Variants in TNK1 observed in about 807,000 individuals in gnomAD.
TNK1 encodes the protein non-receptor tyrosine-protein kinase TNK1.
TNK1 carries 53 observed loss-of-function variants against 65.2 expected under a neutral mutation model. The ratio of observed to expected loss-of-function variants is 0.81; its 90% CI spans 0.65 to 1.02. The LOEUF is 1.02. Among genes scored for constraint, TNK1 ranks in the 50% least tolerant of loss-of-function variants. TNK1 has a pLI of 0.00. For missense variants in TNK1, 837 were observed against 878.4 expected (o/e 0.95, Z 0.60); for synonymous variants, 353 against 364.6 (o/e 0.97, Z 0.36).
chr17:7,384,087 G>T lies in TNK1; in HGVS notation c.700G>T (p.Ala234Ser). Residue 234 changes from alanine (A) to serine (S), a missense_variant, in exon 6 of 13, where the codon GCG becomes TCG. By Grantham distance (99) the Ala-to-Ser change is moderately conservative. Transcript: ENST00000688331. ...LFLRQLAGAM[A>S]YLGARGLVHR... ...CCTGCGGCAGCTGGCGGGAGCCATG[G>T]CGTACCTGGGGGCCCGCGGGCTGGT... is the stretch of plus-strand genomic sequence containing the variant. 1 of 1,542,792 alleles carries T rather than the reference G, an allele frequency of 6.5e-7. No homozygotes were observed. The highest frequency in any genetic ancestry group is 8.7e-7 in the Non-Finnish European group (1 of 1,151,864).
Position 7,382,883 on chromosome 17 carries a change from T to G in TNK1, c.-44T>G. 2.5e-6 allele frequency: 4 copies of G among 1,607,352 alleles called. No individual in the cohort carries two copies. The South Asian group carries it at 4.5e-5, about 18-fold the overall frequency. On this transcript the variant is annotated 5_prime_UTR_variant, in exon 2 of 13. Coordinates refer to ENST00000688331, the MANE Select transcript of TNK1 (RefSeq NM_003985.6). This position sits in a 1 kb window ranked among gnomAD's most constrained non-coding sequence, Gnocchi z 4.1. ...TCTAGGGCCTACCCTGAGCTCACCA[T>G]CTGAAGGAGAGTGCCATCATCCTTA... is the stretch of plus-strand genomic sequence containing the variant.
intron 10 of TNK1, among the ~76,000 whole-genome samples, chr17:7,387,869 G>C (rs1053243846): frequency 7.9e-5 from 12 of 152,196 alleles, no homozygotes; most frequent in African/African-American, 2.9e-4. Flanking sequence ...CTCTCAAAGT[G>C]CTGGGATTAC....
At position 7,384,142 on chromosome 17, in the gene TNK1, T is replaced by TCAAGGTTGCGC; in HGVS notation, c.755_756insCAAGGTTGCGC (p.Leu253LysfsTer63). The TCAAGGTTGCGC allele has an allele frequency of 6.5e-7, 1 of 1,545,182 alleles. No homozygotes were observed. Among genetic ancestry groups the TCAAGGTTGCGC allele is most frequent in the Non-Finnish European group, 8.7e-7 (1 of 1,153,016 alleles). On this transcript the variant is annotated frameshift_variant, in exon 6 of 13. Coordinates refer to ENST00000688331, the MANE Select transcript of TNK1 (RefSeq NM_003985.6). LOFTEE classifies it high-confidence loss of function. ...CGAGACCTCGCTACGCGCAACCTAC[T>TCAAGGTTGCGC]GCTGGCGTCGCCGCGCACCATCAAG...
Position 7,388,301 on chromosome 17 carries a change from T to G in TNK1, c.1478-105T>G. 1.7e-6 allele frequency: 2 copies of G among 1,196,084 alleles called. No homozygotes were observed. The highest frequency in any genetic ancestry group is 3.0e-5 in the South Asian group (2 of 66,212). The allele number at this position is 1,196,084 out of a possible 1,614,324, so 74.1% of individuals were successfully genotyped here. On this transcript the variant is annotated intron_variant, in intron 10 of 12. Coordinates refer to ENST00000688331, the MANE Select transcript of TNK1 (RefSeq NM_003985.6). This position sits in a 1 kb window ranked among gnomAD's most constrained non-coding sequence, Gnocchi z 4.5. The stretch of plus-strand genomic sequence containing the variant: ...TTAGCCAGTCGTAATGGCAGGCACC[T>G]ATAGTCCCAGCTACTCGGGAGGCTG...
upstream of TNK1, among the ~76,000 whole-genome samples, chr17:7,380,327 T>C (rs1597673426): frequency 6.6e-6 from 1 of 152,322 alleles, no homozygotes; most frequent in Non-Finnish European, 1.5e-5. Flanking sequence ...CTGGGACCCC[T>C]GAGAGAAGCG....
Position 7,386,593 on chromosome 17 carries a change from T to A in TNK1, c.1170T>A (p.Asp390Glu). Reference sequence around the variant, plus strand: ...CTTCGGAAGCATGTTGTGTGAGGGATGTCACAGAACCAGGCGCCCTGAGGA... The same window carrying A: ...CTTCGGAAGCATGTTGTGTGAGGGAAGTCACAGAACCAGGCGCCCTGAGGA... ...AGPSEACCVRDVTEPGALRME... is the reference protein window; with the variant it reads ...AGPSEACCVREVTEPGALRME... Residue 390 changes from aspartate (D) to glutamate (E), a missense_variant, in exon 8 of 13, where the codon GAT (aspartate) becomes GAA (glutamate). Physicochemically the swap from Asp to Glu is conservative, Grantham distance 45. Transcript: ENST00000688331. The A allele has an allele frequency of 6.2e-7, 1 of 1,605,518 alleles. No individual in the cohort carries two copies. Among genetic ancestry groups the A allele is most frequent in the Non-Finnish European group, 8.5e-7 (1 of 1,176,048 alleles).
rs1357550304 is a variant in TNK1, at chr17:7,384,247, A to G, written c.860A>G (p.Tyr287Cys). The change falls in exon 6 of 13, where the codon TAC becomes TGC. Residue 287 changes from tyrosine (Y) to cysteine (C), a missense_variant. Physicochemically the swap from Tyr to Cys is radical, Grantham distance 194. Transcript: ENST00000688331. ...YVMGGPRPIP[Y>C]AWCAPESLRH... is the part of the protein sequence containing the mutation. Reference sequence around the variant, plus strand: ...ATGGGCGGGCCCCGCCCTATCCCCTACGCCTGGTGAGAGCGGGTCCGCGGG... The same window carrying G: ...ATGGGCGGGCCCCGCCCTATCCCCTGCGCCTGGTGAGAGCGGGTCCGCGGG... 3.4e-6 allele frequency: 5 copies of G among 1,469,622 alleles called. No individual in the cohort carries two copies. The East Asian group carries it at 1.3e-4, about 37-fold the overall frequency. The allele number at this position is 1,469,622 out of a possible 1,614,324, so 91.0% of individuals were successfully genotyped here. A position where few individuals can be genotyped will look rare whatever the true frequency, so the allele number is the denominator to read the frequency against.
rs1185401532 is a variant in TNK1 at position 7,389,045 on chromosome 17, C to T, written c.1947C>T (p.Asp649=). The change falls in exon 13 of 13, where the codon GAC becomes GAT. Residue 649 remains aspartate, a synonymous_variant. Transcript: ENST00000688331. ...CWRILEHYQW[D]LSAASRYVLA... is the part of the protein sequence containing the mutation. ...GCATCCTGGAGCATTACCAGTGGGA[C>T]CTCTCAGCTGCCAGCCGCTATGTCC... 1 of 1,554,624 alleles carries T rather than the reference C, an allele frequency of 6.4e-7. No homozygotes were observed. The highest frequency in any genetic ancestry group is 8.7e-7 in the Non-Finnish European group (1 of 1,148,578).
Position 7,388,357 on chromosome 17 carries a change from G to A in TNK1, c.1478-49G>A, listed in dbSNP as rs145875541. On this transcript the variant is annotated intron_variant, in intron 10 of 12. Coordinates refer to ENST00000688331, the MANE Select transcript of TNK1 (RefSeq NM_003985.6). The surrounding 1 kb of genome is among the most constrained non-coding windows in gnomAD (Gnocchi z 4.5). ...GGAGGATCGCTTGAGCCCGGGAGGC[G>A]GAGGCTGCAGCCAGCCGAGTTCAAG... is the stretch of plus-strand genomic sequence containing the variant. The A allele has an allele frequency of 2.8e-5, 43 of 1,535,790 alleles. No individual in the cohort carries two copies. Among genetic ancestry groups the A allele is most frequent in the South Asian group, 2.7e-4 (21 of 79,146 alleles).
Position 7,382,095 on chromosome 17 carries a change from A to G in TNK1, c.-91-741A>G, listed in dbSNP as rs1416344387. On this transcript the variant is annotated intron_variant, in intron 1 of 12. Transcript: ENST00000688331. This position sits in a 1 kb window ranked among gnomAD's most constrained non-coding sequence, Gnocchi z 4.1. ...AGCCTGGCCAATATGGTGAAACCCCATCTCTACTAAAAATACAAAAAATAG... is the reference window on the plus strand; with the variant it reads ...AGCCTGGCCAATATGGTGAAACCCCGTCTCTACTAAAAATACAAAAAATAG... 2.0e-5 allele frequency among the ~76,000 whole-genome samples: 3 copies of G among 152,132 alleles called. No homozygotes were observed. Among genetic ancestry groups the G allele is most frequent in the Admixed American group, 6.5e-5 (1 of 15,274 alleles).
Position 7,382,840 on chromosome 17 carries a change from A to C in TNK1, c.-87A>C. 1 of 1,434,962 alleles carries C rather than the reference A, an allele frequency of 7.0e-7. No individual in the cohort carries two copies. Among genetic ancestry groups the C allele is most frequent in the Non-Finnish European group, 9.5e-7 (1 of 1,050,936 alleles). The allele number at this position is 1,434,962 out of a possible 1,614,324, so 88.9% of individuals were successfully genotyped here. A position where few individuals can be genotyped will look rare whatever the true frequency, so the allele number is the denominator to read the frequency against. On this transcript the variant is annotated 5_prime_UTR_variant, in exon 2 of 13. Transcript: ENST00000688331. The surrounding 1 kb of genome is among the most constrained non-coding windows in gnomAD (Gnocchi z 4.1). ...AGTGTTTCTAATGACTTGCAGGTGGAGCTGGAGACCTGGTCTCTCTAGGGC... is the reference window on the plus strand; with the variant it reads ...AGTGTTTCTAATGACTTGCAGGTGGCGCTGGAGACCTGGTCTCTCTAGGGC...
chr17:7,389,622 A>G lies in TNK1; in HGVS notation c.*538A>G, dbSNP rs1220939005. ...GCACTCAAGGACATTTGATGCTGGT[A>G]GTATGGATTATGAGATGGACTAGCC... On this transcript the variant is annotated 3_prime_UTR_variant, in exon 13 of 13. Transcript: ENST00000688331. 9.0e-6 allele frequency: 2 copies of G among 221,114 alleles called. No homozygotes were observed. Among genetic ancestry groups the G allele is most frequent in the Non-Finnish European group, 1.8e-5 (2 of 113,812 alleles). 13.7% of individuals were successfully genotyped at this position (221,114 alleles called of 1,614,324 possible). A position where few individuals can be genotyped will look rare whatever the true frequency, so the allele number is the denominator to read the frequency against.
chr17:7,385,619 C>T (rs750096240), intron 7 of TNK1, among the ~76,000 whole-genome samples: 1 of 151,922 alleles, frequency 6.6e-6, no homozygotes, highest in Non-Finnish European at 1.5e-5. Context: ...AGCTGGAGTG[C>T]AGTGGTGGGA....
rs371167554 is a variant in TNK1 at position 7,383,266 on chromosome 17, C to T, written c.180C>T (p.Ser60=). The change falls in exon 3 of 13, where the codon TCC becomes TCT. Residue 60 remains serine (S), a synonymous_variant. Coordinates refer to ENST00000688331, the MANE Select transcript of TNK1 (RefSeq NM_003985.6). ...GMGRPAQRRL[S]EALKRLRSGP... ...CTCCCACAGCCCAGCGCAGACTGTC[C>T]GAAGCTCTGAAAAGGCTACGTTCTG... 1.8e-5 allele frequency: 29 copies of T among 1,613,896 alleles called. No homozygotes were observed. The highest frequency in any genetic ancestry group is 2.2e-5 in the East Asian group (1 of 44,898).
Position 7,384,608 on chromosome 17 carries a change from C to T in TNK1, c.991C>T (p.Leu331Phe). 2 of 1,612,624 alleles carry T rather than the reference C, an allele frequency of 1.2e-6. No individual in the cohort carries two copies. Among genetic ancestry groups the T allele is most frequent in the South Asian group, 1.1e-5 (1 of 90,646 alleles). Residue 331 changes from leucine (L) to phenylalanine (F), a missense_variant, in exon 7 of 13, where the codon CTC (leucine) becomes TTC (phenylalanine). Coordinates refer to ENST00000688331, the MANE Select transcript of TNK1 (RefSeq NM_003985.6). ...ACCCTGGGCCGGGGTCCCACCGTAC[C>T]TCATCCTGCAGCGGCTGGAGGACAG... ...EEPWAGVPPY[L>F]ILQRLEDRAR...
Position 7,387,116 on chromosome 17 carries a change from C to A in TNK1, c.1359C>A (p.Thr453=). 6.2e-7 allele frequency: 1 copy of A among 1,607,554 alleles called. No homozygotes were observed. ...LPATRPVHRG[T]PARGDQHPGS... is the part of the protein sequence containing the mutation. Reference sequence around the variant, plus strand: ...CCACCCGTCCAGTCCACAGAGGCACCCCTGCCCGGGGAGATCAACACCCAG... The same window carrying A: ...CCACCCGTCCAGTCCACAGAGGCACACCTGCCCGGGGAGATCAACACCCAG... Residue 453 remains threonine (T), a synonymous_variant, in exon 9 of 13, where the codon ACC becomes ACA. Transcript: ENST00000688331.
chr17:7,387,896 G>A (rs545837601), intron 10 of TNK1, among the ~76,000 whole-genome samples: 225 of 152,250 alleles, frequency 1.5e-3, no homozygotes, highest in African/African-American at 4.8e-3. Context: ...GAGACACTGC[G>A]TCCGGCCCTA....
chr17:7,383,260 A>G lies in TNK1; in HGVS notation c.174A>G (p.Arg58=). The change falls in exon 3 of 13, where the codon AGA becomes AGG. Residue 58 remains arginine (R), a synonymous_variant. Transcript: ENST00000688331. Reference sequence around the variant, plus strand: ...TCTGGCCTCCCACAGCCCAGCGCAGACTGTCCGAAGCTCTGAAAAGGCTAC... The same window carrying G: ...TCTGGCCTCCCACAGCCCAGCGCAGGCTGTCCGAAGCTCTGAAAAGGCTAC... ...GIGMGRPAQR[R]LSEALKRLRS... is the part of the protein sequence containing the mutation. The G allele has an allele frequency of 6.2e-7, 1 of 1,614,010 alleles. No homozygotes were observed.
chr17:7,389,341 A>G lies in TNK1; in HGVS notation c.*257A>G. On this transcript the variant is annotated 3_prime_UTR_variant, in exon 13 of 13. Transcript: ENST00000688331. Reference sequence around the variant, plus strand: ...CCAAGAAGGATCTAGTCTGCCCACTACATTCTCAAACAAGAGGACTTGGAA... The same window carrying G: ...CCAAGAAGGATCTAGTCTGCCCACTGCATTCTCAAACAAGAGGACTTGGAA... 3 of 542,318 alleles carry G rather than the reference A, an allele frequency of 5.5e-6. No individual in the cohort carries two copies. Among genetic ancestry groups the G allele is most frequent in the South Asian group, 5.6e-5 (2 of 35,502 alleles). 33.6% of individuals were successfully genotyped at this position (542,318 alleles called of 1,614,324 possible).
Sources: allele counts gnomAD v4.1 joint callset (sites outside exome capture counted in the v4.1 genomes callset), GRCh38; gene constraint gnomAD v4.1.1; non-coding constraint Gnocchi (gnomAD v3.1); transcripts MANE v1.5; gene names NCBI Gene and HGNC (gene_info 2026-07-23, HGNC 2026-07-21).